ACVR1C: variants seen among roughly 807,000 people sequenced by gnomAD.
ACVR1C encodes activin A receptor type 1C, also known as activin receptor type-1C.
ACVR1C carries 23 observed loss-of-function variants against 57.9 expected under a neutral mutation model. The ratio of observed to expected loss-of-function variants is 0.40; its 90% CI spans 0.29 to 0.56. The LOEUF (loss-of-function observed/expected upper bound fraction) is 0.56, where lower values mean the gene tolerates loss of function less well. Among genes scored for constraint, ACVR1C ranks in the 20% least tolerant of loss-of-function variants. The pLI is 0.50. For synonymous variants in ACVR1C, 214 were observed against 215.3 expected (o/e 0.99, Z 0.05); for missense variants, 480 against 607.9 (o/e 0.79, Z 2.21).
At chr2:157,573,964 GC>G (rs1688586059) in intron 2 of ACVR1C, among the ~76,000 whole-genome samples, 1 of 152,106 alleles carries the variant, frequency 6.6e-6, no homozygotes, top group African/African-American at 2.4e-5. Flanking sequence ...GGAACTCTAG[GC>G]CAGTGGATAT....
At chr2:157,625,434 C>T (rs762124502) in intron 1 of ACVR1C, among the ~76,000 whole-genome samples, 59 of 152,176 alleles carry the variant, frequency 3.9e-4, no homozygotes, top group South Asian at 4.1e-4. Flanking sequence ...CTTGCCACAT[C>T]TGTGTCAATC....
intron 8 of ACVR1C, among the ~76,000 whole-genome samples, chr2:157,535,233 T>C (rs1687453602): frequency 6.6e-6 from 1 of 151,760 alleles, no homozygotes; most frequent in Non-Finnish European, 1.5e-5. Context: ...CCTAAGTCCT[T>C]CTAACGGAAA....
chr2:157,546,411 T>C (rs975543440), intron 4 of ACVR1C, among the ~76,000 whole-genome samples: 8 of 152,236 alleles, frequency 5.3e-5, no homozygotes, highest in African/African-American at 1.9e-4. Flanking sequence ...AAATGTGTGC[T>C]AAATGCTAAG....
rs766253889 is a variant in ACVR1C, at chr2:157,542,876, A to C, written c.944-14T>G. 1.4e-5 allele frequency: 23 copies of C among 1,612,402 alleles called. No individual in the cohort carries two copies. The East Asian group carries it at 5.1e-4, about 36-fold the overall frequency. On this transcript the variant is annotated splice_polypyrimidine_tract_variant and intron_variant, in intron 5 of 8. Transcript: ENST00000243349. ...TAGCAGGTTTACCTATGAAGCAAAG[A>C]AGAACATATTCATTTTTTTCTTTAC... is the stretch of plus-strand genomic sequence containing the variant.
intron 2 of ACVR1C, among the ~76,000 whole-genome samples, chr2:157,574,868 C>T (rs1688605644): frequency 6.6e-6 from 1 of 152,198 alleles, no homozygotes; most frequent in Admixed American, 6.5e-5. Context: ...AACCATCATC[C>T]TCATGATCCA....
chr2:157,564,859 A>C (rs1441658866), intron 2 of ACVR1C, among the ~76,000 whole-genome samples: 3 of 152,314 alleles, frequency 2.0e-5, no homozygotes, highest in South Asian at 4.1e-4. Flanking sequence ...ACAGCAACAG[A>C]AAATCAAACA....
intron 2 of ACVR1C, among the ~76,000 whole-genome samples, chr2:157,585,703 T>A (rs1053545843): frequency 6.6e-6 from 1 of 152,102 alleles, no homozygotes; most frequent in African/African-American, 2.4e-5. Flanking sequence ...CACTTTAAGG[T>A]GTCTCTGGAG....
At chr2:157,587,467 C>T in intron 1 of ACVR1C, 50 bp from the exon 2 acceptor site, 1 of 1,335,532 alleles carries the variant, frequency 7.5e-7, no homozygotes, top group Non-Finnish European at 1.1e-6. Flanking sequence ...CATCATGCTA[C>T]TTTATTTGAT....
chr2:157,554,243 GAAAGAAAGAAAGAAAGAAAGAAAGA>G (rs1688011967), intron 3 of ACVR1C, among the ~76,000 whole-genome samples: 1 of 118,668 alleles, frequency 8.4e-6, no homozygotes. Context: ...AAGAAAGAAA[GAAAGAAAGAAAGAAAGAAAGAAAGA>G]AAGGAAGGAA....
At chr2:157,567,264 GA>G (rs1688417617) in intron 2 of ACVR1C, among the ~76,000 whole-genome samples, 1 of 103,738 alleles carries the variant, frequency 9.6e-6, no homozygotes, top group African/African-American at 4.5e-5. Context: ...CAAAGTTGGG[GA>G]AAAAACAGAA....
chr2:157,546,530 A>G (rs1466427857), intron 4 of ACVR1C, among the ~76,000 whole-genome samples: 2 of 152,166 alleles, frequency 1.3e-5, no homozygotes, highest in Admixed American at 6.5e-5. Flanking sequence ...GATCCTTGAC[A>G]TTAATAGATA....
intron 2 of ACVR1C, among the ~76,000 whole-genome samples, chr2:157,584,771 C>A (rs1688875947): frequency 6.6e-6 from 1 of 152,212 alleles, no homozygotes. Flanking sequence ...TATCCAAAGA[C>A]TTGTACGTGA....
intron 1 of ACVR1C, among the ~76,000 whole-genome samples, chr2:157,588,223 A>G (rs1043197278): frequency 1.7e-4 from 25 of 145,062 alleles, no homozygotes; most frequent in Non-Finnish European, 3.5e-4. Context: ...CCTCCCCAAC[A>G]TTCTCCACTT....
intron 8 of ACVR1C, among the ~76,000 whole-genome samples, chr2:157,534,753 G>A (rs1687439645): frequency 6.6e-6 from 1 of 152,088 alleles, no homozygotes; most frequent in African/African-American, 2.4e-5. Flanking sequence ...GGAAAACGCT[G>A]AAGCAAGTGG....
At chr2:157,603,309 A>G (rs954018952) in intron 1 of ACVR1C, among the ~76,000 whole-genome samples, 1 of 152,136 alleles carries the variant, frequency 6.6e-6, no homozygotes, top group African/African-American at 2.4e-5. Context: ...ACAGGGTTAC[A>G]ACAGACACAG....
intron 1 of ACVR1C, among the ~76,000 whole-genome samples, chr2:157,621,877 T>C (rs925839130): frequency 6.6e-6 from 1 of 152,202 alleles, no homozygotes; most frequent in Non-Finnish European, 1.5e-5. Flanking sequence ...CCTTTATCCT[T>C]GGGCTATTTA....
chr2:157,561,994 C>T (rs1449304756), intron 2 of ACVR1C, among the ~76,000 whole-genome samples: 1 of 152,124 alleles, frequency 6.6e-6, no homozygotes, highest in African/African-American at 2.4e-5. Context: ...CAAGCAACTT[C>T]ACAAGTGAAA....
intron 1 of ACVR1C, among the ~76,000 whole-genome samples, chr2:157,624,769 T>A (rs1682864119): frequency 6.6e-6 from 1 of 152,142 alleles, no homozygotes; most frequent in African/African-American, 2.4e-5. Context: ...CTTCTCTTTT[T>A]AATAAAAGAG....
chr2:157,606,691 T>A (rs1167938592), intron 1 of ACVR1C, among the ~76,000 whole-genome samples: 2 of 151,848 alleles, frequency 1.3e-5, no homozygotes, highest in Admixed American at 6.6e-5. Context: ...TTTGGTTCAT[T>A]TAATATTCTG....
Sources: allele counts gnomAD v4.1 joint callset (sites outside exome capture counted in the v4.1 genomes callset), GRCh38; gene constraint gnomAD v4.1.1; transcripts MANE v1.5; gene names NCBI Gene and HGNC (gene_info 2026-07-23, HGNC 2026-07-21).